Variants in RIC1 observed in about 807,000 individuals in gnomAD.
RIC1 encodes guanine nucleotide exchange factor subunit RIC1.
Under a neutral mutation model 169.0 loss-of-function variants are expected in RIC1, and 88 were observed. The observed-to-expected ratio is 0.52, with a 90% CI of 0.44 to 0.62. RIC1 has a LOEUF of 0.62. RIC1 is among the 20% of genes least tolerant of loss of function. The pLI is 0.00. For missense variants in RIC1, 1,877 were observed against 1,725.5 expected (o/e 1.09, Z -1.56); for synonymous variants, 790 against 601.5 (o/e 1.31, Z -4.59).
At chr9:5,673,336 T>G (rs1175250547) in intron 2 of RIC1, among the ~76,000 whole-genome samples, 1 of 151,594 alleles carries the variant, frequency 6.6e-6, no homozygotes, top group East Asian at 1.9e-4. Flanking sequence ...GAAATTAAAA[T>G]AAGACCATTT....
chr9:5,642,627 T>C lies in RIC1; in HGVS notation c.144+13174T>C, dbSNP rs572479206. On this transcript the variant is annotated intron_variant, in intron 1 of 25. Coordinates refer to ENST00000414202, the MANE Select transcript of RIC1 (RefSeq NM_020829.4). Reference sequence around the variant, plus strand: ...CCGTAACACAAAATTCTTCCCACTTTTTCCCCTGTCCACAGGCAGAGGAGA... The same window carrying C: ...CCGTAACACAAAATTCTTCCCACTTCTTCCCCTGTCCACAGGCAGAGGAGA... Among the ~76,000 whole-genome samples the C allele has an allele frequency of 2.8e-5, 4 of 145,008 alleles. No individual in the cohort carries two copies. In the South Asian group the frequency reaches 8.5e-4, roughly 31 times the overall value.
intron 2 of RIC1, among the ~76,000 whole-genome samples, chr9:5,688,046 G>A (rs779130405): frequency 3.3e-5 from 5 of 152,072 alleles, no homozygotes; most frequent in African/African-American, 7.2e-5. Flanking sequence ...TGTTTCTAGA[G>A]TTTTGTTTGA....
intron 2 of RIC1, among the ~76,000 whole-genome samples, chr9:5,666,622 CTT>C (rs1040485633): frequency 2.0e-5 from 3 of 152,152 alleles, no homozygotes; most frequent in African/African-American, 4.8e-5. Flanking sequence ...CAAATGCTCT[CTT>C]TGCGTCAATT....
intron 6 of RIC1, among the ~76,000 whole-genome samples, chr9:5,730,476 T>G (rs1824301732): frequency 6.6e-6 from 1 of 152,176 alleles, no homozygotes; most frequent in African/African-American, 2.4e-5. Flanking sequence ...ATGCTATGAT[T>G]CCATTTTAGG....
intron 5 of RIC1, 103 bp downstream of exon 5, chr9:5,720,427 G>A: frequency 1.6e-6 from 2 of 1,263,172 alleles, no homozygotes; most frequent in Non-Finnish European, 2.2e-6. Context: ...CTTATGCAAG[G>A]GGAGAGGTGG....
chr9:5,673,809 T>A (rs540680706), intron 2 of RIC1, among the ~76,000 whole-genome samples: 20 of 152,102 alleles, frequency 1.3e-4, no homozygotes, highest in South Asian at 4.1e-4. Flanking sequence ...TTTATCAGTT[T>A]AAAAATTTAC....
chr9:5,762,626 A>G lies in RIC1; in HGVS notation c.2078A>G (p.Glu693Gly), dbSNP rs1421770410. ...GACAGGTCAGGCCCACAGATCCGGG[A>G]GAAGGACAGTAACCCTAATAACCAA... The part of the protein sequence containing the change: ...QRDRSGPQIR[E>G]KDSNPNNQRK... Residue 693 changes from glutamate to glycine, a missense_variant, in exon 18 of 26, where the codon GAG (glutamate) becomes GGG (glycine). Around this residue, in one of 3 missense-constraint regions of RIC1, gnomAD observed 1,104 missense variants for 992.0 expected, o/e 1.11. Transcript: ENST00000414202. 3 of 1,614,048 alleles carry G rather than the reference A, an allele frequency of 1.9e-6. No homozygotes were observed. The highest frequency in any genetic ancestry group is 2.5e-6 in the Non-Finnish European group (3 of 1,179,934).
chr9:5,750,846 A>G (rs1825681288), intron 12 of RIC1, among the ~76,000 whole-genome samples: 1 of 151,774 alleles, frequency 6.6e-6, no homozygotes. Context: ...CTCAGAGTTC[A>G]GATGACACAT....
At chr9:5,676,767 T>C (rs1041553121) in intron 2 of RIC1, among the ~76,000 whole-genome samples, 5 of 152,234 alleles carry the variant, frequency 3.3e-5, no homozygotes, top group African/African-American at 1.2e-4. Flanking sequence ...CCAATTACTT[T>C]GTGTTTTCTG....
At position 5,738,565 on chromosome 9, in the gene RIC1, T is replaced by A. The variant is rs201862696; in HGVS notation, c.901+27T>A. 431 of 1,262,840 alleles carry A rather than the reference T, an allele frequency of 3.4e-4. 4 individuals are homozygous for A. In the East Asian group the frequency reaches 0.01, roughly 30 times the overall value. 78.2% of individuals were successfully genotyped at this position (1,262,840 alleles called of 1,614,324 possible). Reference sequence around the variant, plus strand: ...TGAGTCTTTTTTTTTTTTTTTTTTTTTAACATTTTTAATGTACTGGTATTG... The same window carrying A: ...TGAGTCTTTTTTTTTTTTTTTTTTTATAACATTTTTAATGTACTGGTATTG... On this transcript the variant is annotated intron_variant, in intron 8 of 25. Coordinates refer to ENST00000414202, the MANE Select transcript of RIC1 (RefSeq NM_020829.4).
At chr9:5,733,050 C>T (rs904380192) in intron 7 of RIC1, among the ~76,000 whole-genome samples, 2 of 151,978 alleles carry the variant, frequency 1.3e-5, no homozygotes, top group African/African-American at 4.8e-5. Context: ...CTTGGTTGAG[C>T]TTAAATTTTA....
chr9:5,674,507 C>G (rs1244045726), intron 2 of RIC1, among the ~76,000 whole-genome samples: 1 of 152,056 alleles, frequency 6.6e-6, no homozygotes, highest in Non-Finnish European at 1.5e-5. Context: ...AAACTCAGGA[C>G]CCCAATTCAC....
chr9:5,640,898 T>C (rs550984449), intron 1 of RIC1, among the ~76,000 whole-genome samples: 1 of 152,250 alleles, frequency 6.6e-6, no homozygotes, highest in African/African-American at 2.4e-5. Context: ...GTTTGTTTTT[T>C]TTGTCAGCAC....
rs1037244616 is a variant in RIC1, at chr9:5,691,719, CTA to C, written c.332+1683_332+1684del. On this transcript the variant is annotated intron_variant, in intron 3 of 25. Transcript: ENST00000414202. ...AGATTTACTGGTGCATTTTAAACTA[CTA>C]TGTTTGTTTTATTGCTTAATTTAGA... Among the ~76,000 whole-genome samples the C allele has an allele frequency of 8.2e-4, 124 of 151,996 alleles. 2 individuals carry two copies. The highest frequency in any genetic ancestry group is 2.8e-3 in the African/African-American group (116 of 41,500).
chr9:5,644,870 C>G (rs1818425096), intron 1 of RIC1, among the ~76,000 whole-genome samples: 1 of 152,008 alleles, frequency 6.6e-6, no homozygotes, highest in African/African-American at 2.4e-5. Flanking sequence ...ATTTTACAAC[C>G]CCACCAATAA....
chr9:5,636,254 T>C (rs1408708210), intron 1 of RIC1, among the ~76,000 whole-genome samples: 1 of 152,230 alleles, frequency 6.6e-6, no homozygotes, highest in African/African-American at 2.4e-5. Context: ...TGGTGTTTAG[T>C]GGCGGTTAAA....
chr9:5,778,068 G>GT (rs1827678325), downstream of RIC1, among the ~76,000 whole-genome samples: 1 of 152,128 alleles, frequency 6.6e-6, no homozygotes, highest in African/African-American at 2.4e-5. Flanking sequence ...GCCATATTAA[G>GT]CCTTCCAGTC....
chr9:5,696,003 A>G (rs1378724670), intron 3 of RIC1, among the ~76,000 whole-genome samples: 2 of 151,942 alleles, frequency 1.3e-5, no homozygotes, highest in African/African-American at 4.8e-5. Flanking sequence ...GAGGTAGAAA[A>G]CCTTTAATTC....
intron 1 of RIC1, among the ~76,000 whole-genome samples, chr9:5,653,310 C>G (rs1818909791): frequency 2.0e-5 from 3 of 152,138 alleles, no homozygotes; most frequent in African/African-American, 7.2e-5. Context: ...TTTGTTAATA[C>G]CACACTTTCT....
Sources: gnomAD v4.1 joint callset for allele counts (sites outside exome capture counted in the v4.1 genomes callset) on GRCh38, gnomAD v4.1.1 for gene constraint, gnomAD v4.1.1 regional missense constraint, MANE v1.5 for transcripts, NCBI Gene and HGNC (gene_info 2026-07-23, HGNC 2026-07-21) for gene names.